SH3GL1: variants seen among roughly 807,000 people sequenced by gnomAD.
SH3GL1 encodes the protein SH3 domain containing GRB2 like 1, endophilin A2.
In SH3GL1, 21 loss-of-function variants were observed where a neutral mutation model predicts 48.8. The observed-to-expected ratio is 0.43, with a 90% CI of 0.30 to 0.62. The LOEUF is 0.62. Ranked by LOEUF, SH3GL1 falls within the 20% of genes least tolerant of loss-of-function variation. The pLI is 0.11. For missense variants in SH3GL1, 454 were observed against 503.0 expected (o/e 0.90, Z 0.93); for synonymous variants, 282 against 217.5 (o/e 1.30, Z -2.61).
In SH3GL1 at chr19:4,389,560, AGAAGCTCCC is replaced by A. The variant is rs889309724; in HGVS notation, c.45+10755_45+10763del. Among the ~76,000 whole-genome samples, 16 of 152,200 alleles carry A rather than the reference AGAAGCTCCC, an allele frequency of 1.1e-4. No homozygotes were observed. Among genetic ancestry groups the A allele is most frequent in the Non-Finnish European group, 8.8e-5 (6 of 68,024 alleles). ...AACCTGGGACCAAGGCAGGGGCTCC[AGAAGCTCCC>A]GAAATTCGGCTGAGAGCTTGAACTG... On this transcript the variant is annotated intron_variant, in intron 1 of 9. Transcript: ENST00000269886. This position sits in a 1 kb window ranked among gnomAD's most constrained non-coding sequence, Gnocchi z 4.5.
At chr19:4,392,407 C>G (rs1456165582) in intron 1 of SH3GL1, among the ~76,000 whole-genome samples, 1 of 151,940 alleles carries the variant, frequency 6.6e-6, no homozygotes. Flanking sequence ...GCCTGTATTC[C>G]CAGCTACTCA....
At chr19:4,366,361 G>T in intron 3 of SH3GL1, 140 bp downstream of exon 3, 1 of 670,318 alleles carries the variant, frequency 1.5e-6, no homozygotes, top group Non-Finnish European at 2.6e-6. Flanking sequence ...CAGCACCAAG[G>T]ATGGCCTCTG....
rs987753374 is a variant in SH3GL1, at chr19:4,376,107, G to A, written c.46-9113C>T. On this transcript the variant is annotated intron_variant, in intron 1 of 9. Coordinates refer to ENST00000269886, the MANE Select transcript of SH3GL1 (RefSeq NM_003025.4). This position sits in a 1 kb window ranked among gnomAD's most constrained non-coding sequence, Gnocchi z 4.3. ...TGCAGGTGCACAGATCTCAACGAGG[G>A]GCCGTGAGTTCCCTCACTCCCTGAG... 3.3e-5 allele frequency among the ~76,000 whole-genome samples: 5 copies of A among 152,308 alleles called. No homozygotes were observed. Among genetic ancestry groups the A allele is most frequent in the Non-Finnish European group, 7.4e-5 (5 of 68,022 alleles).
At chr19:4,396,600 G>A (rs1244414568) in intron 1 of SH3GL1, among the ~76,000 whole-genome samples, 1 of 152,016 alleles carries the variant, frequency 6.6e-6, no homozygotes, top group Admixed American at 6.6e-5. Flanking sequence ...TAGGAAAATC[G>A]TAAGAATGGC....
In SH3GL1 at chr19:4,376,968, G is replaced by A. The variant is rs565428195; in HGVS notation, c.46-9974C>T. Among the ~76,000 whole-genome samples, 5 of 152,278 alleles carry A rather than the reference G, an allele frequency of 3.3e-5. No individual in the cohort carries two copies. The highest frequency in any genetic ancestry group is 2.1e-4 in the South Asian group (1 of 4,822). ...TAAGCTCCGGGGGCAGCAACTCCCC[G>A]CAGTGACCCGGAAGGCAGCCAGATG... On this transcript the variant is annotated intron_variant, in intron 1 of 9. Coordinates refer to ENST00000269886, the MANE Select transcript of SH3GL1 (RefSeq NM_003025.4). This position sits in a 1 kb window ranked among gnomAD's most constrained non-coding sequence, Gnocchi z 4.3.
At position 4,363,388 on chromosome 19, in the gene SH3GL1, G is replaced by A. The variant is rs571418230; in HGVS notation, c.710C>T (p.Ala237Val). The change falls in exon 7 of 10, where the codon GCG (alanine) becomes GTG (valine). Residue 237 changes from alanine (A) to valine (V), a missense_variant. Coordinates refer to ENST00000269886, the MANE Select transcript of SH3GL1 (RefSeq NM_003025.4). ...RQAVQILDEL[A>V]EKLKRRMREA... ...GGCTCACCTGCGCTTGAGCTTCTCC[G>A]CCAGCTCGTCCAGGATCTGCACGGC... 62 of 1,606,848 alleles carry A rather than the reference G, an allele frequency of 3.9e-5. No homozygotes were observed. Among genetic ancestry groups the A allele is most frequent in the South Asian group, 2.4e-4 (22 of 89,828 alleles).
chr19:4,383,338 C>T (rs1481216706), intron 1 of SH3GL1, among the ~76,000 whole-genome samples: 2 of 152,210 alleles, frequency 1.3e-5, no homozygotes, highest in African/African-American at 4.8e-5. Flanking sequence ...CCTCAGTCTC[C>T]CGAGTAGCTG....
At chr19:4,383,922 C>G (rs147069705) in intron 1 of SH3GL1, among the ~76,000 whole-genome samples, 1 of 152,320 alleles carries the variant, frequency 6.6e-6, no homozygotes, top group Non-Finnish European at 1.5e-5. Flanking sequence ...TTTGTTTGAC[C>G]TCGGCTAGGA....
intron 1 of SH3GL1, among the ~76,000 whole-genome samples, chr19:4,381,687 GCC>G (rs1196670289): frequency 6.6e-5 from 3 of 45,634 alleles, no homozygotes; most frequent in African/African-American, 2.7e-4. Flanking sequence ...CCCCCCACAC[GCC>G]TTTTTTTTTT....
Position 4,400,363 on chromosome 19 carries a change from C to G in SH3GL1, c.6G>C (p.Ser2=). M[S]VAGLKKQFYK... Reference sequence around the variant, plus strand: ...AGAACTGCTTCTTCAGCCCCGCCACCGACATGCTGCCGCCCGCCGCCGAGC... The same window carrying G: ...AGAACTGCTTCTTCAGCCCCGCCACGGACATGCTGCCGCCCGCCGCCGAGC... The change falls in exon 1 of 10, where the codon TCG becomes TCC. Residue 2 remains serine (S), a synonymous_variant. Coordinates refer to ENST00000269886, the MANE Select transcript of SH3GL1 (RefSeq NM_003025.4). This position sits in a 1 kb window ranked among gnomAD's most constrained non-coding sequence, Gnocchi z 4.1. 6.3e-7 allele frequency: 1 copy of G among 1,589,734 alleles called. No individual in the cohort carries two copies. The highest frequency in any genetic ancestry group is 8.5e-7 in the Non-Finnish European group (1 of 1,172,278).
At chr19:4,397,307 C>CG (rs1328222088) in intron 1 of SH3GL1, among the ~76,000 whole-genome samples, 1 of 152,110 alleles carries the variant, frequency 6.6e-6, no homozygotes, top group East Asian at 1.9e-4. Flanking sequence ...GACTAGGCCT[C>CG]GGGATGTGGA....
rs917549818 is a variant in SH3GL1 at position 4,363,580 on chromosome 19, G to A, written c.625-107C>T. ...AGGCAAGGGGGCTGAGAGGGGACAG[G>A]GGACTGGGGCCCATACCCTCCACCT... On this transcript the variant is annotated intron_variant, in intron 6 of 9. Transcript: ENST00000269886. 24 of 1,454,380 alleles carry A rather than the reference G, an allele frequency of 1.7e-5. No individual in the cohort carries two copies. In the East Asian group the frequency reaches 5.5e-4, roughly 33 times the overall value. The allele number at this position is 1,454,380 out of a possible 1,614,324, so 90.1% of individuals were successfully genotyped here. A position where few individuals can be genotyped will look rare whatever the true frequency, so the allele number is the denominator to read the frequency against.
chr19:4,391,569 G>A (rs1049079099), intron 1 of SH3GL1, among the ~76,000 whole-genome samples: 2 of 152,164 alleles, frequency 1.3e-5, no homozygotes, highest in African/African-American at 4.8e-5. Context: ...ATGACCCCTT[G>A]GTCCTGGTTT....
At chr19:4,373,133 G>A (rs1224695559) in intron 1 of SH3GL1, among the ~76,000 whole-genome samples, 1 of 152,158 alleles carries the variant, frequency 6.6e-6, no homozygotes, top group African/African-American at 2.4e-5. Context: ...AGTGGGAGGG[G>A]GGGCCACAGG....
intron 1 of SH3GL1, among the ~76,000 whole-genome samples, chr19:4,396,781 G>C (rs243412): frequency 0.63 from 95,663 of 151,990 alleles, 30,548 homozygotes; most frequent in Admixed American, 0.74. Flanking sequence ...CAGCAATATC[G>C]TCTACCTACT....
chr19:4,361,754 T>G lies in SH3GL1; in HGVS notation c.953A>C (p.Glu318Ala). 6.2e-7 allele frequency: 1 copy of G among 1,612,278 alleles called. No homozygotes were observed. Among genetic ancestry groups the G allele is most frequent in the South Asian group, 1.1e-5 (1 of 91,084 alleles). The change falls in exon 10 of 10, where the codon GAG becomes GCG. Residue 318 changes from glutamate (E) to alanine (A), a missense_variant. Around this residue, in one of 2 missense-constraint regions of SH3GL1, gnomAD observed 278 missense variants for 246.8 expected, o/e 1.13. Coordinates refer to ENST00000269886, the MANE Select transcript of SH3GL1 (RefSeq NM_003025.4). ...GCCCAGCTCCCCGTCGTTCTCGGGC[T>G]CGAAGTCGTACAGCGCCTTGCAGCT... ...QPSCKALYDF[E>A]PENDGELGFH...
At chr19:4,373,996 C>T (rs1407236983) in intron 1 of SH3GL1, among the ~76,000 whole-genome samples, 3 of 152,254 alleles carry the variant, frequency 2.0e-5, no homozygotes, top group Non-Finnish European at 2.9e-5. Context: ...CTGCCTGACT[C>T]CTGGCTCTTG....
chr19:4,373,802 G>C (rs371557205), intron 1 of SH3GL1, among the ~76,000 whole-genome samples: 17 of 152,364 alleles, frequency 1.1e-4, no homozygotes, highest in African/African-American at 4.1e-4. Context: ...CCAGGCTGTG[G>C]GGACAGGCCT....
chr19:4,383,977 T>C (rs774932252), intron 1 of SH3GL1, among the ~76,000 whole-genome samples: 1 of 152,204 alleles, frequency 6.6e-6, no homozygotes, highest in African/African-American at 2.4e-5. Context: ...TGCACTTGTC[T>C]GCAAAAGACT....
Sources: gnomAD v4.1 joint callset for allele counts (sites outside exome capture counted in the v4.1 genomes callset) on GRCh38, gnomAD v4.1.1 for gene constraint, gnomAD v4.1.1 regional missense constraint, Gnocchi (gnomAD v3.1) non-coding constraint, MANE v1.5 for transcripts, NCBI Gene and HGNC (gene_info 2026-07-23, HGNC 2026-07-21) for gene names.